C2CD2L: variants seen among roughly 807,000 people sequenced by gnomAD.
C2CD2L encodes C2CD2 like.
A neutral mutation model predicts 69.9 loss-of-function variants in C2CD2L; 24 were observed. That is an observed-to-expected ratio of 0.34 (90% CI 0.25 to 0.48). The LOEUF is 0.48. Ranked by LOEUF, C2CD2L falls within the 20% of genes least tolerant of loss-of-function variation. C2CD2L has a pLI of 0.99. For missense variants in C2CD2L, 811 were observed against 941.5 expected, an observed-to-expected ratio of 0.86 and a Z score of 1.81; for synonymous variants, 367 against 391.0, an observed-to-expected ratio of 0.94 and a Z score of 0.72.
In C2CD2L at chr11:119,114,709, C is replaced by T. The variant is rs759523423; in HGVS notation, c.1909+344C>T. 16 of 326,778 alleles carry T rather than the reference C, an allele frequency of 4.9e-5. No individual in the cohort carries two copies. Among genetic ancestry groups the T allele is most frequent in the Admixed American group, 1.8e-4 (4 of 21,762 alleles). 20.2% of individuals were successfully genotyped at this position (326,778 alleles called of 1,614,324 possible). A position where few individuals can be genotyped will look rare whatever the true frequency, so the allele number is the denominator to read the frequency against. Reference sequence around the variant, plus strand: ...ACACCGGCACTTTGGGAGGCCAAGGCGGGTGGCTTACCTGAGTCCAGGAGT... The same window carrying T: ...ACACCGGCACTTTGGGAGGCCAAGGTGGGTGGCTTACCTGAGTCCAGGAGT... On this transcript the variant is annotated intron_variant, in intron 13 of 13. Coordinates refer to ENST00000648610, the MANE Select transcript of C2CD2L (RefSeq NM_001290474.2). The surrounding 1 kb of genome is among the most constrained non-coding windows in gnomAD (Gnocchi z 5.1).
Position 119,116,699 on chromosome 11 carries a change from G to A in C2CD2L, c.*443G>A, listed in dbSNP as rs192729684. 938 of 175,298 alleles carry A rather than the reference G, an allele frequency of 5.4e-3. 6 individuals are homozygous for A. The highest frequency in any genetic ancestry group is 9.2e-3 in the Non-Finnish European group (734 of 79,920). The allele number at this position is 175,298 out of a possible 1,614,324, so 10.9% of individuals were successfully genotyped here. A position where few individuals can be genotyped will look rare whatever the true frequency, so the allele number is the denominator to read the frequency against. ...AGGTGACCCTTCTTTTCTGTCCCAG[G>A]AGGGTGGGTAATTCCCTTTGGGATG... On this transcript the variant is annotated 3_prime_UTR_variant, in exon 14 of 14. Coordinates refer to ENST00000648610, the MANE Select transcript of C2CD2L (RefSeq NM_001290474.2).
At chr11:119,113,480 C>G (rs1012506245) in intron 10 of C2CD2L, 131 bp from the exon 11 acceptor site, 1 of 1,343,668 alleles carries the variant, frequency 7.4e-7, no homozygotes, top group African/African-American at 1.5e-5. Context: ...TCCTAATCAC[C>G]CTTGTGATTA....
At chr11:119,111,440 C>G in intron 6 of C2CD2L, 66 bp downstream of exon 6, 4 of 1,591,584 alleles carry the variant, frequency 2.5e-6, no homozygotes, top group African/African-American at 1.3e-5. Flanking sequence ...CTCTGCCCCT[C>G]TGCCAAGGGT....
chr11:119,110,617 G>A lies in C2CD2L; in HGVS notation c.507G>A (p.Gln169=). Residue 169 remains glutamine (Q), a synonymous_variant, in exon 3 of 14, where the codon CAG becomes CAA. Transcript: ENST00000648610. This position sits in a 1 kb window ranked among gnomAD's most constrained non-coding sequence, Gnocchi z 5.7. ...TGCGGTTCCCAGTCTCTGTGACCCA[G>A]CAGTCCCCCGCTGCCGTCTCCATGG... ...EEVRFPVSVT[Q]QSPAAVSMET... is the part of the protein sequence containing the mutation. 1 of 1,612,458 alleles carries A rather than the reference G, an allele frequency of 6.2e-7. No individual in the cohort carries two copies. The highest frequency in any genetic ancestry group is 8.5e-7 in the Non-Finnish European group (1 of 1,179,724).
chr11:119,115,870 A>C (rs1454868879), intron 13 of C2CD2L, 175 bp from the exon 14 acceptor site: 1 of 600,610 alleles, frequency 1.7e-6, no homozygotes, highest in Non-Finnish European at 2.9e-6. Flanking sequence ...TCTTTTTTTC[A>C]CGAAGCCTTA....
At chr11:119,107,274 G>A (rs186631567), upstream of C2CD2L, 95 of 152,628 alleles carry the variant, frequency 6.2e-4, no homozygotes, top group Non-Finnish European at 1.2e-3. This position sits in a 1 kb window ranked among gnomAD's most constrained non-coding sequence, Gnocchi z 5.4. Flanking sequence ...GCGAGGGAGC[G>A]CCAGGCTGTC....
Position 119,110,790 on chromosome 11 carries a change from T to G in C2CD2L, c.571-57T>G, listed in dbSNP as rs1195254883. The G allele has an allele frequency of 3.7e-6, 6 of 1,606,900 alleles. No individual in the cohort carries two copies. In the African/African-American group the frequency reaches 8.0e-5, roughly 21 times the overall value. On this transcript the variant is annotated intron_variant, in intron 3 of 13. Transcript: ENST00000648610. This position sits in a 1 kb window ranked among gnomAD's most constrained non-coding sequence, Gnocchi z 5.7. ...ATTCAGGAAGGGAGAGTCCTCGAAT[T>G]AGGAGTCCTTGGGTAAATGGGGCAA... is the stretch of plus-strand genomic sequence containing the variant.
chr11:119,102,261 C>G (rs1333940063), upstream of C2CD2L: 1 of 482,582 alleles, frequency 2.1e-6, no homozygotes, highest in Non-Finnish European at 4.2e-6. Context: ...TCTGGGATGC[C>G]TCCGGCTCCA....
At chr11:119,104,158 C>T (rs1275282238), upstream of C2CD2L, among the ~76,000 whole-genome samples, 4 of 152,084 alleles carry the variant, frequency 2.6e-5, no homozygotes, top group East Asian at 1.9e-4. Context: ...GACAGTGAGA[C>T]ACCAGAAGCT....
rs1409168790 is a variant in C2CD2L at position 119,116,374 on chromosome 11, C to A, written c.*118C>A. ...AAGCCCTCTGGGTTCCGGGAAGCCC[C>A]GTCCACCCTGGGCCATGGGGCCGGT... On this transcript the variant is annotated 3_prime_UTR_variant, in exon 14 of 14. Coordinates refer to ENST00000648610, the MANE Select transcript of C2CD2L (RefSeq NM_001290474.2). 9 of 834,732 alleles carry A rather than the reference C, an allele frequency of 1.1e-5. No individual in the cohort carries two copies. The highest frequency in any genetic ancestry group is 2.6e-5 in the East Asian group (1 of 38,142). 51.7% of individuals were successfully genotyped at this position (834,732 alleles called of 1,614,324 possible).
At chr11:119,116,006 G>T in intron 13 of C2CD2L, 39 bp from the exon 14 acceptor site, 1 of 1,206,212 alleles carries the variant, frequency 8.3e-7, no homozygotes, top group Non-Finnish European at 1.2e-6. Context: ...ACCCCACCCC[G>T]TGCCCCTCTC....
upstream of C2CD2L, among the ~76,000 whole-genome samples, chr11:119,105,087 G>A (rs945532468): frequency 1.3e-5 from 2 of 152,216 alleles, no homozygotes; most frequent in Non-Finnish European, 2.9e-5. Context: ...TACAAAGTTT[G>A]TTAATCCCTA....
rs1467406377 is a variant in C2CD2L at position 119,107,755 on chromosome 11, G to A, written c.14G>A (p.Trp5Ter). The change falls in exon 1 of 14, where the codon TGG (tryptophan) becomes TAG (stop). Residue 5 changes from tryptophan (W) to a stop codon, truncating the protein, a stop_gained. Transcript: ENST00000648610. LOFTEE classifies it high-confidence loss of function. The surrounding 1 kb of genome is among the most constrained non-coding windows in gnomAD (Gnocchi z 5.4). MDPG[W>*]GQRDVGWAAL... ...CCCGCGCGGAGCATGGATCCGGGCT[G>A]GGGGCAGCGGGACGTGGGCTGGGCG... The A allele has an allele frequency of 2.2e-5, 34 of 1,532,540 alleles. No homozygotes were observed. Among genetic ancestry groups the A allele is most frequent in the Non-Finnish European group, 2.9e-5 (34 of 1,152,640 alleles). The allele number at this position is 1,532,540 out of a possible 1,614,324, so 94.9% of individuals were successfully genotyped here.
chr11:119,106,843 A>G (rs577129703), upstream of C2CD2L: 1 of 152,270 alleles, frequency 6.6e-6, no homozygotes, highest in Non-Finnish European at 1.5e-5. Context: ...GGGAATTCAA[A>G]TTCGGTGTTC....
In C2CD2L at chr11:119,108,106, C is replaced by T; in HGVS notation, c.354+11C>T. On this transcript the variant is annotated intron_variant, in intron 1 of 13. Coordinates refer to ENST00000648610, the MANE Select transcript of C2CD2L (RefSeq NM_001290474.2). ...GCCTGCAGAAACGGGGTGAGTTGGACCAAGCGCTTGGGTGGTCCCTTCAGC... is the reference window on the plus strand; with the variant it reads ...GCCTGCAGAAACGGGGTGAGTTGGATCAAGCGCTTGGGTGGTCCCTTCAGC... The T allele has an allele frequency of 6.4e-7, 1 of 1,568,790 alleles. No homozygotes were observed. The highest frequency in any genetic ancestry group is 8.7e-7 in the Non-Finnish European group (1 of 1,153,672).
chr11:119,107,780 G>A lies in C2CD2L; in HGVS notation c.39G>A (p.Ala13=). The change falls in exon 1 of 14, where the codon GCG becomes GCA. Residue 13 remains alanine, a synonymous_variant. Transcript: ENST00000648610. This position sits in a 1 kb window ranked among gnomAD's most constrained non-coding sequence, Gnocchi z 5.4. ...GGGGGCAGCGGGACGTGGGCTGGGC[G>A]GCCTTGCTGATCCTCTTCGCCGCCT... ...PGWGQRDVGW[A]ALLILFAASL... The A allele has an allele frequency of 6.5e-7, 1 of 1,543,860 alleles. No individual in the cohort carries two copies. The highest frequency in any genetic ancestry group is 1.9e-5 in the Admixed American group (1 of 51,446).
At position 119,113,594 on chromosome 11, in the gene C2CD2L, C is replaced by G. The variant is rs1392168448; in HGVS notation, c.1388-17C>G. 42 of 1,605,994 alleles carry G rather than the reference C, an allele frequency of 2.6e-5. No homozygotes were observed. The highest frequency in any genetic ancestry group is 3.6e-5 in the Non-Finnish European group (42 of 1,175,732). On this transcript the variant is annotated splice_polypyrimidine_tract_variant and intron_variant, in intron 10 of 13. Transcript: ENST00000648610. ...CTGAAGCAACTCCCAGCTCACTGAC[C>G]CTCCCCCACCCACCAGACTCCCCCT...
Position 119,117,082 on chromosome 11 carries a change from T to C in C2CD2L, c.*826T>C, listed in dbSNP as rs2134980851. 1 of 152,806 alleles carries C rather than the reference T, an allele frequency of 6.5e-6. No homozygotes were observed. Among genetic ancestry groups the C allele is most frequent in the East Asian group, 1.9e-4 (1 of 5,188 alleles). 9.5% of individuals were successfully genotyped at this position (152,806 alleles called of 1,614,324 possible). A position where few individuals can be genotyped will look rare whatever the true frequency, so the allele number is the denominator to read the frequency against. The stretch of plus-strand genomic sequence containing the variant: ...ATGATGTCCATTGCTGTGTGATGGC[T>C]TGGAATTTAATTTATTAAAGTCAAA... On this transcript the variant is annotated 3_prime_UTR_variant, in exon 14 of 14. Transcript: ENST00000648610.
intron 10 of C2CD2L, 53 bp downstream of exon 10, chr11:119,112,927 G>T: frequency 6.0e-6 from 9 of 1,497,992 alleles, no homozygotes; most frequent in South Asian, 1.2e-5. Flanking sequence ...CGGGACTGCA[G>T]ACCCAAGGCA....
Sources: gnomAD v4.1 joint callset for allele counts (sites outside exome capture counted in the v4.1 genomes callset) on GRCh38, gnomAD v4.1.1 for gene constraint, Gnocchi (gnomAD v3.1) non-coding constraint, MANE v1.5 for transcripts, NCBI Gene and HGNC (gene_info 2026-07-23, HGNC 2026-07-21) for gene names.